PRMT3: variants seen among roughly 807,000 people sequenced by gnomAD.
The protein encoded by PRMT3 is protein arginine methyltransferase 3, also known as protein arginine N-methyltransferase 3.
A neutral mutation model predicts 71.9 loss-of-function variants in PRMT3; 62 were observed. The ratio of observed to expected loss-of-function variants is 0.86; its 90% CI spans 0.70 to 1.07. The LOEUF (loss-of-function observed/expected upper bound fraction) is 1.07. Among genes scored for constraint, PRMT3 ranks in the 50% least tolerant of loss-of-function variants. PRMT3 has a pLI of 0.00. For synonymous variants in PRMT3, 213 were observed against 220.4 expected (o/e 0.97, Z 0.30); for missense variants, 663 against 643.0 (o/e 1.03, Z -0.34).
intron 10 of PRMT3, among the ~76,000 whole-genome samples, chr11:20,445,970 G>T (rs531659348): frequency 1.3e-5 from 2 of 152,066 alleles, no homozygotes; most frequent in Non-Finnish European, 2.9e-5. Context: ...ATAGGAAAAG[G>T]TTTTTTAAAT....
At chr11:20,446,292 T>A in intron 10 of PRMT3, among the ~76,000 whole-genome samples, 1 of 152,228 alleles carries the variant, frequency 6.6e-6, no homozygotes, top group South Asian at 2.1e-4. Flanking sequence ...AGTAATATAT[T>A]TTTTGTCTTA....
intron 11 of PRMT3, among the ~76,000 whole-genome samples, chr11:20,455,572 TG>T (rs1850250065): frequency 6.6e-6 from 1 of 152,104 alleles, no homozygotes; most frequent in Non-Finnish European, 1.5e-5. Context: ...TAAAATCAGC[TG>T]AAGTAGCAAT....
At chr11:20,398,433 C>T (rs943732179) in intron 7 of PRMT3, among the ~76,000 whole-genome samples, 4 of 152,086 alleles carry the variant, frequency 2.6e-5, no homozygotes, top group African/African-American at 9.7e-5. Flanking sequence ...ATGGTGCTTC[C>T]ATGAGACTAT....
In PRMT3 at chr11:20,395,853, G is replaced by A; in HGVS notation, c.451G>A (p.Gly151Arg). The change falls in exon 6 of 16, where the codon GGA becomes AGA. Residue 151 changes from glycine to arginine, a missense_variant. Coordinates refer to ENST00000331079, the MANE Select transcript of PRMT3 (RefSeq NM_005788.4). ...GTCAGTACCCTTCTCATACCCCAAT[G>A]GACTCAGTGAAAATACATCTGTTGT... ...PVSVPFSYPN[G>R]LSENTSVVEK... The A allele has an allele frequency of 1.2e-6, 2 of 1,613,930 alleles. No homozygotes were observed. The highest frequency in any genetic ancestry group is 4.5e-5 in the East Asian group (2 of 44,864).
chr11:20,417,646 T>C (rs750993677), intron 9 of PRMT3, among the ~76,000 whole-genome samples: 1 of 152,214 alleles, frequency 6.6e-6, no homozygotes, highest in African/African-American at 2.4e-5. Context: ...AAGTAAAATA[T>C]AGACTTGAAG....
At position 20,501,891 on chromosome 11, in the gene PRMT3, A is replaced by T. The variant is rs114931564; in HGVS notation, c.1487-6413A>T. 9.3e-3 allele frequency among the ~76,000 whole-genome samples: 1,417 copies of T among 152,306 alleles called. 17 individuals carry two copies. The highest frequency in any genetic ancestry group is 0.032 in the African/African-American group (1,348 of 41,554). ...GCTATTTCTCTTTATTTATCCATACAGTACATAGTAAGCTTTTATATGATA... is the reference window on the plus strand; with the variant it reads ...GCTATTTCTCTTTATTTATCCATACTGTACATAGTAAGCTTTTATATGATA... On this transcript the variant is annotated intron_variant, in intron 15 of 15. Transcript: ENST00000331079.
rs1336365906 is a variant in PRMT3 at position 20,455,530 on chromosome 11, G to T, written c.1072+3322G>T. Among the ~76,000 whole-genome samples, 5 of 152,022 alleles carry T rather than the reference G, an allele frequency of 3.3e-5. No homozygotes were observed. In the East Asian group the frequency reaches 9.6e-4, roughly 29 times the overall value. On this transcript the variant is annotated intron_variant, in intron 11 of 15. Transcript: ENST00000331079. ...TATACCAAAAAGAGTGAGTTTTGCT[G>T]CATATAAATTATACTTCAGAAAAGA...
chr11:20,415,050 G>GTA (rs1344221202), intron 9 of PRMT3, among the ~76,000 whole-genome samples: 6 of 151,556 alleles, frequency 4.0e-5, no homozygotes, highest in Middle Eastern at 3.4e-3. Flanking sequence ...GTGTGTGTGT[G>GTA]TGTGTATTTT....
chr11:20,404,211 G>GTTTTTGTTT (rs1849013771), intron 8 of PRMT3, among the ~76,000 whole-genome samples: 1 of 34,338 alleles, frequency 2.9e-5, no homozygotes, highest in African/African-American at 1.3e-4. Flanking sequence ...ACTTTTCATA[G>GTTTTTGTTT]TTTTTTTTTT....
At chr11:20,453,232 G>A (rs1465760359) in intron 11 of PRMT3, among the ~76,000 whole-genome samples, 1 of 149,508 alleles carries the variant, frequency 6.7e-6, no homozygotes, top group South Asian at 2.1e-4. Flanking sequence ...TGTAATCCCA[G>A]CACTCTGAGA....
chr11:20,444,797 T>C (rs1849986753), intron 10 of PRMT3, among the ~76,000 whole-genome samples: 1 of 152,126 alleles, frequency 6.6e-6, no homozygotes, highest in Admixed American at 6.5e-5. Context: ...ATTTATTTTG[T>C]CTATTAATTC....
chr11:20,472,408 G>T (rs559196123), intron 13 of PRMT3, among the ~76,000 whole-genome samples: 59 of 152,110 alleles, frequency 3.9e-4, no homozygotes, highest in Non-Finnish European at 4.7e-4. Flanking sequence ...TAACATGAAG[G>T]GATGTTGAAT....
rs1260204458 is a variant in PRMT3 at position 20,469,222 on chromosome 11, G to A, written c.1347+4676G>A. On this transcript the variant is annotated intron_variant, in intron 13 of 15. Coordinates refer to ENST00000331079, the MANE Select transcript of PRMT3 (RefSeq NM_005788.4). ...ATGAACAATAAAGTCAGTGATTTTT[G>A]TGGAAAGTTTATAGGTGTTCAAAAG... Among the ~76,000 whole-genome samples, 7 of 152,276 alleles carry A rather than the reference G, an allele frequency of 4.6e-5. No homozygotes were observed. The East Asian group carries it at 1.4e-3, about 29-fold the overall frequency.
At chr11:20,404,229 T>TG (rs1849019437) in intron 8 of PRMT3, among the ~76,000 whole-genome samples, 3 of 104,544 alleles carry the variant, frequency 2.9e-5, no homozygotes, top group Admixed American at 9.9e-5. Context: ...TTTTTTTTTT[T>TG]TTTTTTTTTT....
At chr11:20,466,583 A>G (rs899933669) in intron 13 of PRMT3, among the ~76,000 whole-genome samples, 1 of 152,130 alleles carries the variant, frequency 6.6e-6, no homozygotes, top group Non-Finnish European at 1.5e-5. Context: ...CTACAGTTTT[A>G]TACTACAGAT....
chr11:20,465,925 T>C (rs1162299774), intron 13 of PRMT3, among the ~76,000 whole-genome samples: 3 of 152,162 alleles, frequency 2.0e-5, no homozygotes. Flanking sequence ...AAAGACCATC[T>C]TGATTAATGA....
chr11:20,414,462 TC>T (rs1327785453), intron 9 of PRMT3, among the ~76,000 whole-genome samples: 1 of 152,156 alleles, frequency 6.6e-6, no homozygotes, highest in East Asian at 1.9e-4. Context: ...ATTTTTGCTA[TC>T]ATACTTTGAA....
intron 7 of PRMT3, 77 bp from the exon 8 acceptor site, chr11:20,402,842 A>G (rs1848979430): frequency 7.0e-6 from 8 of 1,137,694 alleles, no homozygotes; most frequent in Non-Finnish European, 1.0e-5. Context: ...GTGTGTTAAT[A>G]TGGCAAATAT....
chr11:20,498,526 C>T (rs997690991), intron 15 of PRMT3, among the ~76,000 whole-genome samples: 1 of 152,020 alleles, frequency 6.6e-6, no homozygotes, highest in Non-Finnish European at 1.5e-5. Context: ...CTCAGGAGTT[C>T]GAGACAGGCC....
Sources: gnomAD v4.1 joint callset for allele counts (sites outside exome capture counted in the v4.1 genomes callset) on GRCh38, gnomAD v4.1.1 for gene constraint, MANE v1.5 for transcripts, NCBI Gene and HGNC (gene_info 2026-07-23, HGNC 2026-07-21) for gene names.